ARHGEF6: variants seen among roughly 807,000 people sequenced by gnomAD.
The protein encoded by ARHGEF6 is Rac/Cdc42 guanine nucleotide exchange factor 6.
ARHGEF6 carries 9 observed loss-of-function variants against 70.3 expected under a neutral mutation model. That is an observed-to-expected ratio of 0.13 (90% confidence interval 0.08 to 0.22). The LOEUF (loss-of-function observed/expected upper bound fraction) is 0.22. ARHGEF6 is among the 10% of genes least tolerant of loss of function. ARHGEF6 has a pLI of 1.00. For synonymous variants in ARHGEF6, 201 were observed against 207.8 expected (o/e 0.97, Z 0.28); for missense variants, 470 against 563.0 (o/e 0.83, Z 1.67).
At chrX:136,755,719 T>C (rs62603507) in intron 2 of ARHGEF6, among the ~76,000 whole-genome samples, 5,101 of 111,984 alleles carry the variant, frequency 0.046, 124 homozygotes, top group Non-Finnish European at 0.075. Context: ...AGCTTTATAG[T>C]CTGTAGAGAT....
At chrX:136,669,353 T>C in intron 21 of ARHGEF6, 129 bp downstream of exon 21, 1 of 565,156 alleles carries the variant, frequency 1.8e-6, no homozygotes, top group South Asian at 2.6e-5. Context: ...CCTACCTTGA[T>C]GACACAAGGA....
intron 6 of ARHGEF6, among the ~76,000 whole-genome samples, chrX:136,716,032 C>T (rs1320840256): frequency 8.9e-6 from 1 of 112,800 alleles, no homozygotes; most frequent in Non-Finnish European, 1.9e-5. Context: ...CCTCCACCTC[C>T]TGGGTTCAAG....
intron 10 of ARHGEF6, among the ~76,000 whole-genome samples, chrX:136,689,099 A>C (rs5975770): frequency 0.04 from 4,487 of 112,313 alleles, 249 homozygotes; most frequent in African/African-American, 0.14. Flanking sequence ...TGCTCATAAA[A>C]AGTAAGGTTG....
At chrX:136,700,487 A>T (rs1335361037) in intron 9 of ARHGEF6, among the ~76,000 whole-genome samples, 1 of 111,117 alleles carries the variant, frequency 9.0e-6, no homozygotes, top group Non-Finnish European at 1.9e-5. Flanking sequence ...AGATCGCGCC[A>T]CTGCACTCCA....
At chrX:136,711,299 T>A (rs2076682062) in intron 7 of ARHGEF6, among the ~76,000 whole-genome samples, 1 of 111,832 alleles carries the variant, frequency 8.9e-6, no homozygotes, top group African/African-American at 3.3e-5. Flanking sequence ...CTCCTCTGCC[T>A]GTCACTTCCA....
intron 8 of ARHGEF6, 44 bp from the exon 9 acceptor site, chrX:136,707,074 A>C: frequency 8.4e-7 from 1 of 1,194,742 alleles, no homozygotes; most frequent in African/African-American, 1.7e-5. Context: ...AATAGGAAAC[A>C]GGAGGCAAAG....
chrX:136,749,779 A>G (rs1009880714), intron 2 of ARHGEF6, among the ~76,000 whole-genome samples: 1 of 111,725 alleles, frequency 9.0e-6, no homozygotes, highest in African/African-American at 3.3e-5. Flanking sequence ...CTGAGGCACT[A>G]GAAACTACAG....
chrX:136,744,737 C>T (rs959720981), intron 4 of ARHGEF6, among the ~76,000 whole-genome samples: 13 of 111,867 alleles, frequency 1.2e-4, no homozygotes, highest in Non-Finnish European at 2.3e-4. Context: ...GAAAAGGCAA[C>T]TGGGAGATCC....
intron 6 of ARHGEF6, among the ~76,000 whole-genome samples, chrX:136,720,273 A>T (rs773533657): frequency 1.4e-4 from 16 of 111,999 alleles, no homozygotes; most frequent in Admixed American, 3.8e-4. Flanking sequence ...AATAGATAAA[A>T]AGAATGCTAC....
chrX:136,769,812 T>C (rs1369293243), intron 2 of ARHGEF6, among the ~76,000 whole-genome samples: 2 of 112,239 alleles, frequency 1.8e-5, no homozygotes, highest in Non-Finnish European at 3.8e-5. Flanking sequence ...TTCTGGAAAC[T>C]TCACTTGGGA....
At chrX:136,688,425 T>C (rs1464322236) in intron 10 of ARHGEF6, among the ~76,000 whole-genome samples, 1 of 110,563 alleles carries the variant, frequency 9.0e-6, no homozygotes, top group Non-Finnish European at 1.9e-5. Context: ...TTATTCGGGG[T>C]ACATCATTAG....
chrX:136,736,618 GGT>G (rs1556295145), intron 5 of ARHGEF6, among the ~76,000 whole-genome samples: 3,120 of 103,415 alleles, frequency 0.03, 55 homozygotes, highest in Middle Eastern at 0.066. Context: ...GTTAAAAAGA[GGT>G]GTGTGTGTGT....
chrX:136,695,131 C>A (rs953935420), intron 9 of ARHGEF6, among the ~76,000 whole-genome samples: 8 of 112,234 alleles, frequency 7.1e-5, no homozygotes, highest in Non-Finnish European at 1.1e-4. Flanking sequence ...CTGTGAATTT[C>A]ATTTCACTGT....
intron 6 of ARHGEF6, among the ~76,000 whole-genome samples, chrX:136,730,596 A>C (rs2076925113): frequency 8.9e-6 from 1 of 111,936 alleles, no homozygotes; most frequent in Non-Finnish European, 1.9e-5. Context: ...ACCAAAAAAA[A>C]ACTGTTAAAC....
At chrX:136,759,627 C>CAAA (rs34641907) in intron 2 of ARHGEF6, among the ~76,000 whole-genome samples, 1 of 54,530 alleles carries the variant, frequency 1.8e-5, no homozygotes, top group African/African-American at 6.3e-5. Context: ...AGGACTCTGT[C>CAAA]AAAAAAAAAA....
chrX:136,699,878 T>A (rs901903152), intron 9 of ARHGEF6, among the ~76,000 whole-genome samples: 2 of 110,534 alleles, frequency 1.8e-5, no homozygotes, highest in African/African-American at 3.3e-5. Flanking sequence ...GGGTGGAGCA[T>A]CCATTTTGAA....
intron 2 of ARHGEF6, among the ~76,000 whole-genome samples, chrX:136,775,240 C>CA (rs2077394969): frequency 9.0e-6 from 1 of 110,700 alleles, no homozygotes; most frequent in East Asian, 2.8e-4. Flanking sequence ...ACAGACATGA[C>CA]AAAAAAAGAA....
At position 136,666,189 on chromosome X, in the gene ARHGEF6, G is replaced by A. The variant is rs1477483762; in HGVS notation, c.*1840C>T. On this transcript the variant is annotated 3_prime_UTR_variant, in exon 22 of 22. Transcript: ENST00000250617. ...CTTCAGCTTCCAAACACGGCTGTGT[G>A]TGGTTGGCTGATGTTGGACTGCAAA... 1.8e-5 allele frequency: 2 copies of A among 112,749 alleles called. No individual in the cohort carries two copies. The highest frequency in any genetic ancestry group is 3.7e-5 in the Non-Finnish European group (2 of 53,349). 9.3% of individuals were successfully genotyped at this position (112,749 alleles called of 1,213,427 possible).
chrX:136,734,452 A>G (rs963338908), intron 5 of ARHGEF6, among the ~76,000 whole-genome samples: 14 of 112,331 alleles, frequency 1.2e-4, no homozygotes, highest in Non-Finnish European at 2.6e-4. Flanking sequence ...AACTCACCCA[A>G]TATGAAATAG....
Sources: gnomAD v4.1 joint callset for allele counts (sites outside exome capture counted in the v4.1 genomes callset) on GRCh38, gnomAD v4.1.1 for gene constraint, MANE v1.5 for transcripts, NCBI Gene and HGNC (gene_info 2026-07-23, HGNC 2026-07-21) for gene names.